Variants in LGALS3 observed in about 807,000 individuals in gnomAD.
The protein encoded by LGALS3 is galectin-3.
In LGALS3, 18 loss-of-function variants were observed where a neutral mutation model predicts 20.7. That is an observed-to-expected ratio of 0.87 (90% CI 0.60 to 1.29). LGALS3 has a LOEUF of 1.29. Among genes scored for constraint, LGALS3 ranks in the 50% most tolerant of loss-of-function variants. The pLI, the probability that LGALS3 is intolerant of heterozygous loss-of-function variation, is 0.00. For synonymous variants in LGALS3, 112 were observed against 119.6 expected (o/e 0.94, Z 0.42); for missense variants, 315 against 314.7 (o/e 1.00, Z -0.01).
At chr14:55,134,545 T>C (rs79936440) in intron 1 of LGALS3, among the ~76,000 whole-genome samples, 14 of 152,338 alleles carry the variant, frequency 9.2e-5, no homozygotes, top group African/African-American at 2.9e-4. Flanking sequence ...AGACTTTCTT[T>C]TTCTGAATTA....
chr14:55,140,953 A>G (rs1299216003), intron 4 of LGALS3, among the ~76,000 whole-genome samples: 2 of 152,190 alleles, frequency 1.3e-5, no homozygotes, highest in Admixed American at 1.3e-4. Flanking sequence ...TAGTACTTAC[A>G]TATCATACAA....
chr14:55,140,420 G>C, intron 4 of LGALS3, 57 bp downstream of exon 4: 1 of 1,109,486 alleles, frequency 9.0e-7, no homozygotes, highest in Non-Finnish European at 1.3e-6. Context: ...TTTGAATAAA[G>C]AATGGCCTAC....
chr14:55,134,796 G>T (rs1881331692), intron 1 of LGALS3, among the ~76,000 whole-genome samples: 1 of 152,258 alleles, frequency 6.6e-6, no homozygotes, highest in Middle Eastern at 3.4e-3. Flanking sequence ...AGTTCCCTAG[G>T]TTGGAAAATG....
rs1293177688 is a variant in LGALS3 at position 55,129,963 on chromosome 14, G to A, written c.-5+663G>A. Among the ~76,000 whole-genome samples the A allele has an allele frequency of 1.3e-5, 2 of 152,214 alleles. No individual in the cohort carries two copies. The highest frequency in any genetic ancestry group is 4.8e-5 in the African/African-American group (2 of 41,446). On this transcript the variant is annotated intron_variant, in intron 1 of 5. Transcript: ENST00000254301. The surrounding 1 kb of genome is among the most constrained non-coding windows in gnomAD (Gnocchi z 5.3). The stretch of plus-strand genomic sequence containing the variant: ...TCTTCCACCGGGACCAGCTGCGGCC[G>A]GGCTGCAGCCGCTGTCTGGTTGCTG...
Position 55,145,338 on chromosome 14 carries a change from ACT to A in LGALS3, c.*68_*69del, listed in dbSNP as rs779679505. The A allele has an allele frequency of 1.2e-5, 20 of 1,602,284 alleles. No homozygotes were observed. Among genetic ancestry groups the A allele is most frequent in the Non-Finnish European group, 1.6e-5 (19 of 1,176,636 alleles). ...TTACATGTGTAAAGGTTTCATGTTC[ACT>A]GTGAGTGAAAATTTTTACATTCATC... On this transcript the variant is annotated 3_prime_UTR_variant, in exon 6 of 6. Coordinates refer to ENST00000254301, the MANE Select transcript of LGALS3 (RefSeq NM_002306.4).
chr14:55,138,306 C>T lies in LGALS3; in HGVS notation c.280C>T (p.Gln94Ter). ...CCCTGGGGCCTACCCATCTTCTGGA[C>T]AGCCAAGTGCCACCGGAGCCTACCC... The part of the protein sequence containing the change: ...SGPGAYPSSG[Q>*]PSATGAYPAT... Residue 94 changes from glutamine to a stop codon, truncating the protein, a stop_gained, in exon 3 of 6, where the codon CAG (glutamine) becomes TAG (stop). Coordinates refer to ENST00000254301, the MANE Select transcript of LGALS3 (RefSeq NM_002306.4). LOFTEE classifies it high-confidence loss of function. The T allele has an allele frequency of 6.2e-7, 1 of 1,612,600 alleles. No individual in the cohort carries two copies. The highest frequency in any genetic ancestry group is 8.5e-7 in the Non-Finnish European group (1 of 1,179,758).
At chr14:55,133,441 C>T (rs1472751690) in intron 1 of LGALS3, among the ~76,000 whole-genome samples, 1 of 152,130 alleles carries the variant, frequency 6.6e-6, no homozygotes, top group South Asian at 2.1e-4. Flanking sequence ...GATAACCAAG[C>T]CTGCTACTAA....
chr14:55,145,292 A>C lies in LGALS3; in HGVS notation c.*21A>C. The stretch of plus-strand genomic sequence containing the variant: ...TATAATCTGAAAGGGGCAGATTAAA[A>C]AAAAAAAAAGAATCTAAACCTTACA... On this transcript the variant is annotated 3_prime_UTR_variant, in exon 6 of 6. Transcript: ENST00000254301. 6.2e-7 allele frequency: 1 copy of C among 1,609,268 alleles called. No homozygotes were observed. Among genetic ancestry groups the C allele is most frequent in the South Asian group, 1.1e-5 (1 of 90,558 alleles).
At position 55,138,232 on chromosome 14, in the gene LGALS3, CTTATCCCGGAGCACCTGCACCTGGAGT is replaced by C; in HGVS notation, c.207_233del (p.Ala73_Gly81del). The C allele has an allele frequency of 1.9e-6, 3 of 1,612,742 alleles. No individual in the cohort carries two copies. The highest frequency in any genetic ancestry group is 2.5e-6 in the Non-Finnish European group (3 of 1,179,446). On this transcript the variant is annotated inframe_deletion, in exon 3 of 6. Transcript: ENST00000254301. The stretch of plus-strand genomic sequence containing the variant: ...GGCGCCTACCCTGGAGCACCTGGAG[CTTATCCCGGAGCACCTGCACCTGGAGT>C]CTACCCAGGGCCACCCAGCGGCCCT...
chr14:55,130,764 G>C (rs568438598), intron 1 of LGALS3, among the ~76,000 whole-genome samples: 6 of 148,278 alleles, frequency 4.0e-5, no homozygotes, highest in South Asian at 2.2e-4. Flanking sequence ...GGGGGGGGGG[G>C]GGTCCCTCCA....
chr14:55,134,888 C>T (rs1053472216), intron 1 of LGALS3, among the ~76,000 whole-genome samples: 3 of 152,118 alleles, frequency 2.0e-5, no homozygotes, highest in African/African-American at 7.2e-5. Context: ...GATGCGGTGG[C>T]TCATGCCTGT....
chr14:55,142,599 C>T lies in LGALS3; in HGVS notation c.447C>T (p.Phe149=), dbSNP rs1566783343. ...TTTAAAACAGAATTGCTTTAGATTT[C>T]CAAAGAGGGAATGATGTTGCCTTCC... ...KPNANRIALD[F]QRGNDVAFHF... is the part of the protein sequence containing the mutation. The change falls in exon 5 of 6, where the codon TTC becomes TTT. Residue 149 remains phenylalanine (F), a synonymous_variant. Coordinates refer to ENST00000254301, the MANE Select transcript of LGALS3 (RefSeq NM_002306.4). 1 of 1,613,244 alleles carries T rather than the reference C, an allele frequency of 6.2e-7. No homozygotes were observed.
chr14:55,135,291 T>G (rs1182550588), intron 1 of LGALS3, among the ~76,000 whole-genome samples: 1 of 152,204 alleles, frequency 6.6e-6, no homozygotes, highest in Non-Finnish European at 1.5e-5. Context: ...ACGTTTTGCA[T>G]GCCTGCATGA....
chr14:55,141,989 A>G (rs1375815449), intron 4 of LGALS3, among the ~76,000 whole-genome samples: 1 of 152,220 alleles, frequency 6.6e-6, no homozygotes, highest in Admixed American at 6.5e-5. Flanking sequence ...TAGCAATTTC[A>G]TTGGTTCTGG....
chr14:55,137,952 C>G, intron 2 of LGALS3, 93 bp from the exon 3 acceptor site: 1 of 1,421,788 alleles, frequency 7.0e-7, no homozygotes, highest in African/African-American at 1.4e-5. Context: ...TGCCATATTC[C>G]TCTCCTTCTT....
chr14:55,143,930 A>C (rs2140297571), intron 5 of LGALS3, among the ~76,000 whole-genome samples: 1 of 138,556 alleles, frequency 7.2e-6, no homozygotes, highest in East Asian at 2.5e-4. Flanking sequence ...CCTAGAAGCA[A>C]GTCTTCTAGA....
At chr14:55,137,966 TCA>T (rs927796118) in intron 2 of LGALS3, 77 bp from the exon 3 acceptor site, 200 of 1,449,972 alleles carry the variant, frequency 1.4e-4, no homozygotes, top group Non-Finnish European at 2.7e-5. Context: ...CCTTCTTAGA[TCA>T]CATATTCCTA....
At chr14:55,136,734 G>T (rs1881407047) in intron 1 of LGALS3, among the ~76,000 whole-genome samples, 1 of 152,258 alleles carries the variant, frequency 6.6e-6, no homozygotes. Context: ...CTGCTGTGCT[G>T]TCAAATACCC....
chr14:55,139,155 TAGTC>T (rs1881528597), intron 3 of LGALS3, among the ~76,000 whole-genome samples: 1 of 151,958 alleles, frequency 6.6e-6, no homozygotes, highest in African/African-American at 2.4e-5. Flanking sequence ...CAGAGATGGT[TAGTC>T]AGTTGCAGAG....
Sources: gnomAD v4.1 joint callset for allele counts (sites outside exome capture counted in the v4.1 genomes callset) on GRCh38, gnomAD v4.1.1 for gene constraint, Gnocchi (gnomAD v3.1) non-coding constraint, MANE v1.5 for transcripts, NCBI Gene and HGNC (gene_info 2026-07-23, HGNC 2026-07-21) for gene names.